CNTN1: variants seen among roughly 807,000 people sequenced by gnomAD.
CNTN1 encodes contactin 1, also known as contactin-1.
CNTN1 carries 38 observed loss-of-function variants against 126.4 expected under a neutral mutation model. The ratio of observed to expected loss-of-function variants is 0.30; its 90% CI spans 0.23 to 0.39. The LOEUF (loss-of-function observed/expected upper bound fraction) is 0.39. Ranked by LOEUF, CNTN1 falls within the 10% of genes least tolerant of loss-of-function variation. CNTN1 has a pLI of 1.00. For synonymous variants in CNTN1, 413 were observed against 422.6 expected (o/e 0.98, Z 0.28); for missense variants, 1,009 against 1,248.4 (o/e 0.81, Z 2.89).
intron 14 of CNTN1, among the ~76,000 whole-genome samples, chr12:40,956,749 G>A (rs11179188): frequency 0.12 from 17,827 of 152,008 alleles, 1,100 homozygotes; most frequent in Non-Finnish European, 0.12. Flanking sequence ...TTTTGTCCCA[G>A]GAAAGGGAAA....
chr12:40,776,791 A>T (rs546586539), intron 1 of CNTN1, among the ~76,000 whole-genome samples: 2 of 151,820 alleles, frequency 1.3e-5, no homozygotes, highest in Non-Finnish European at 3.0e-5. Context: ...TACAATTCTC[A>T]TTTTTCTAGA....
chr12:40,763,947 T>A (rs1938970858), intron 1 of CNTN1, among the ~76,000 whole-genome samples: 1 of 152,142 alleles, frequency 6.6e-6, no homozygotes, highest in Non-Finnish European at 1.5e-5. Context: ...TGGACAATAC[T>A]TTTCTTATAG....
At chr12:40,896,079 T>G (rs2136749440) in intron 1 of CNTN1, 1 of 152,324 alleles carries the variant, frequency 6.6e-6, no homozygotes, top group Non-Finnish European at 1.5e-5. Flanking sequence ...TCAAGATTTC[T>G]TAATGAAGGT....
At chr12:40,913,302 G>T (rs1310096372) in intron 3 of CNTN1, among the ~76,000 whole-genome samples, 1 of 152,176 alleles carries the variant, frequency 6.6e-6, no homozygotes, top group Admixed American at 6.5e-5. Flanking sequence ...AGCAGGAAAT[G>T]GTTGGCAGTG....
At chr12:40,943,475 C>G (rs1471517620) in intron 12 of CNTN1, 122 bp from the exon 13 acceptor site, 1 of 715,804 alleles carries the variant, frequency 1.4e-6, no homozygotes, top group Non-Finnish European at 2.3e-6. Flanking sequence ...ACAAAAATGT[C>G]TGTGGTCGCA....
intron 15 of CNTN1, chr12:40,971,548 T>C (rs1435050120): frequency 6.3e-7 from 1 of 1,583,870 alleles, no homozygotes; most frequent in South Asian, 1.1e-5. Flanking sequence ...AAAGACTTTT[T>C]TTTTTTTAAC....
At chr12:40,939,766 C>G (rs1188676585) in intron 12 of CNTN1, among the ~76,000 whole-genome samples, 1 of 151,978 alleles carries the variant, frequency 6.6e-6, no homozygotes, top group East Asian at 1.9e-4. Context: ...CCCAATGTCA[C>G]ACAGCTAATA....
At chr12:41,047,412 G>A (rs1949568619) in intron 23 of CNTN1, among the ~76,000 whole-genome samples, 1 of 152,054 alleles carries the variant, frequency 6.6e-6, no homozygotes, top group Non-Finnish European at 1.5e-5. Context: ...TCTCCCTGAT[G>A]ACATTGCTCC....
In CNTN1 at chr12:40,897,856, T is replaced by A. The variant is rs543177449; in HGVS notation, c.-76-10501T>A. 5.4e-4 allele frequency among the ~76,000 whole-genome samples: 82 copies of A among 152,274 alleles called. 1 individual carries two copies. Among genetic ancestry groups the A allele is most frequent in the Non-Finnish European group, 1.1e-3 (76 of 68,012 alleles). Reference sequence around the variant, plus strand: ...AAGCACTTAGGATTAAATATTATGATGATATTTTCTTGTAGAACTATTCAA... The same window carrying A: ...AAGCACTTAGGATTAAATATTATGAAGATATTTTCTTGTAGAACTATTCAA... On this transcript the variant is annotated intron_variant, in intron 1 of 23. Coordinates refer to ENST00000551295, the MANE Select transcript of CNTN1 (RefSeq NM_001843.4).
chr12:40,939,265 C>A, intron 11 of CNTN1, 70 bp from the exon 12 acceptor site: 1 of 1,531,374 alleles, frequency 6.5e-7, no homozygotes. Flanking sequence ...ATAAAAGATT[C>A]TACAACACAG....
At chr12:40,901,378 T>C (rs527682451) in intron 1 of CNTN1, among the ~76,000 whole-genome samples, 2 of 152,276 alleles carry the variant, frequency 1.3e-5, no homozygotes, top group East Asian at 3.9e-4. Flanking sequence ...CTTAACACCA[T>C]TTGGGGTGCA....
chr12:40,918,001 A>G (rs1455089434), intron 3 of CNTN1, among the ~76,000 whole-genome samples: 1 of 152,180 alleles, frequency 6.6e-6, no homozygotes, highest in Non-Finnish European at 1.5e-5. Flanking sequence ...TTTTCTCAAC[A>G]TCAAGAAGCT....
rs938498446 is a variant in CNTN1, at chr12:40,971,613, C to T, written c.1805-9296C>T. On this transcript the variant is annotated intron_variant, in intron 15 of 23. Coordinates refer to ENST00000551295, the MANE Select transcript of CNTN1 (RefSeq NM_001843.4). ...TTGTAGCTTCTGCAGTTCTCCCCAC[C>T]CCCAACCTAGTTCTTAGAGTATGTT... 3.4e-5 allele frequency: 52 copies of T among 1,511,460 alleles called. 1 individual carries two copies. In the Admixed American group the frequency reaches 1.1e-3, roughly 33 times the overall value. 93.6% of individuals were successfully genotyped at this position (1,511,460 alleles called of 1,614,324 possible).
At chr12:40,853,577 A>G (rs980518851) in intron 1 of CNTN1, among the ~76,000 whole-genome samples, 35 of 152,102 alleles carry the variant, frequency 2.3e-4, no homozygotes, top group Non-Finnish European at 1.0e-4. Flanking sequence ...TATTTATTCA[A>G]CACCCACTAT....
rs533009494 is a variant in CNTN1 at position 41,041,265 on chromosome 12, C to G, written c.2980+12046C>G. On this transcript the variant is annotated intron_variant, in intron 23 of 23. Coordinates refer to ENST00000551295, the MANE Select transcript of CNTN1 (RefSeq NM_001843.4). ...CAGCCTTGCATCCCAGGGATGAAGC[C>G]CACTTGATCATGGTGGATAAGCTTT... 3.1e-3 allele frequency among the ~76,000 whole-genome samples: 468 copies of G among 152,170 alleles called. 7 individuals carry two copies. Among genetic ancestry groups the G allele is most frequent in the African/African-American group, 0.011 (449 of 41,504 alleles).
intron 1 of CNTN1, among the ~76,000 whole-genome samples, chr12:40,906,632 T>C (rs1944827468): frequency 6.7e-6 from 1 of 150,198 alleles, no homozygotes; most frequent in African/African-American, 2.4e-5. Flanking sequence ...CGTTGAACAC[T>C]ACAACATGTG....
chr12:40,931,637 A>G (rs373679310), intron 7 of CNTN1, among the ~76,000 whole-genome samples: 1 of 151,928 alleles, frequency 6.6e-6, no homozygotes, highest in East Asian at 1.9e-4. Context: ...ATACAGTTTC[A>G]TTTCTAATAA....
intron 7 of CNTN1, among the ~76,000 whole-genome samples, chr12:40,932,721 A>T (rs1945933750): frequency 6.6e-6 from 1 of 151,828 alleles, no homozygotes; most frequent in Admixed American, 6.6e-5. Flanking sequence ...CCTACTTCTA[A>T]CTACCGTCCT....
intron 1 of CNTN1, among the ~76,000 whole-genome samples, chr12:40,765,281 C>T (rs1033647430): frequency 1.3e-5 from 2 of 151,970 alleles, no homozygotes; most frequent in African/African-American, 4.8e-5. Context: ...GGAACAGGTT[C>T]GAGTAATATG....
Sources: gnomAD v4.1 joint callset for allele counts (sites outside exome capture counted in the v4.1 genomes callset) on GRCh38, gnomAD v4.1.1 for gene constraint, MANE v1.5 for transcripts, NCBI Gene and HGNC (gene_info 2026-07-23, HGNC 2026-07-21) for gene names.